The following TMEM154 variants were observed in gnomAD, a reference collection of about 807,000 sequenced individuals.
The protein encoded by TMEM154 is transmembrane protein 154.
In TMEM154, 27 loss-of-function variants were observed where a neutral mutation model predicts 24.5. The ratio of observed to expected loss-of-function variants is 1.10; its 90% CI spans 0.81 to 1.52. TMEM154 has a LOEUF of 1.52. Ranked by LOEUF, TMEM154 falls within the 40% of genes most tolerant of loss-of-function variation. The probability of loss-of-function intolerance (pLI) is 0.00; values close to 1 mark genes in which losing one functional copy is unlikely to be tolerated. For missense variants in TMEM154, 228 were observed against 213.4 expected (o/e 1.07, Z -0.43); for synonymous variants, 67 against 76.8 (o/e 0.87, Z 0.67).
intron 1 of TMEM154, among the ~76,000 whole-genome samples, chr4:152,667,803 C>T (rs1037295339): frequency 6.6e-6 from 1 of 152,242 alleles, no homozygotes; most frequent in Non-Finnish European, 1.5e-5. Flanking sequence ...ATCGAAAGAA[C>T]ATAAAGAAAG....
chr4:152,676,676 G>A lies in TMEM154; in HGVS notation c.64+3194C>T, dbSNP rs1312427379. Among the ~76,000 whole-genome samples the A allele has an allele frequency of 1.3e-5, 2 of 152,174 alleles. 1 individual carries two copies. Among genetic ancestry groups the A allele is most frequent in the Admixed American group, 1.3e-4 (2 of 15,286 alleles). On this transcript the variant is annotated intron_variant, in intron 1 of 6. Transcript: ENST00000304385. Reference sequence around the variant, plus strand: ...GGGACTGTCCCAGGAAACAGCAGATGTCAGCCGTGTTCATTAAAATAAGAT... The same window carrying A: ...GGGACTGTCCCAGGAAACAGCAGATATCAGCCGTGTTCATTAAAATAAGAT...
chr4:152,630,309 CAAAAAA>C (rs56827457), intron 6 of TMEM154, among the ~76,000 whole-genome samples: 6 of 91,344 alleles, frequency 6.6e-5, no homozygotes, highest in Admixed American at 1.3e-4. Context: ...CACCCTGTCT[CAAAAAA>C]AAAAAAAAAA....
At chr4:152,647,082 T>TCCAA in intron 3 of TMEM154, 1 of 1,029,466 alleles carries the variant, frequency 9.7e-7, no homozygotes, top group Non-Finnish European at 1.5e-6. Flanking sequence ...GAAAAAGTAA[T>TCCAA]TTCCAATCAG....
At chr4:152,677,310 A>C (rs1233209589) in intron 1 of TMEM154, among the ~76,000 whole-genome samples, 2 of 152,236 alleles carry the variant, frequency 1.3e-5, no homozygotes, top group African/African-American at 4.8e-5. Context: ...ATGCAACTGC[A>C]GATATTATCT....
chr4:152,659,994 G>T (rs1041962837), intron 1 of TMEM154, among the ~76,000 whole-genome samples: 1 of 142,582 alleles, frequency 7.0e-6, no homozygotes, highest in East Asian at 1.9e-4. Context: ...TTGACCATGG[G>T]TAACTGAAAC....
chr4:152,647,066 C>G, intron 3 of TMEM154: 1 of 912,072 alleles, frequency 1.1e-6, no homozygotes, highest in Non-Finnish European at 1.7e-6. Context: ...ATGGACAAGC[C>G]CAAAGGAAAA....
chr4:152,636,514 T>C (rs1752151817), intron 6 of TMEM154, among the ~76,000 whole-genome samples: 1 of 152,272 alleles, frequency 6.6e-6, no homozygotes. Context: ...CTCTGGTCCT[T>C]ATTAAAATCC....
rs763097024 is a variant in TMEM154, at chr4:152,628,572, AAAAAAAAAAAAAAAAAAAAAC to A, written c.537-32_537-12del. On this transcript the variant is annotated splice_polypyrimidine_tract_variant and intron_variant, in intron 6 of 6. Transcript: ENST00000304385. Reference sequence around the variant, plus strand: ...TAGGATTCACTGTCACTGTAAAAAAAAAAAAAAAAAAAAAAAAAAACAAAAAAAACACACACACACACACAA... The same window carrying A: ...TAGGATTCACTGTCACTGTAAAAAAAAAAAAAAACACACACACACACACAA... The A allele has an allele frequency of 8.2e-5, 99 of 1,207,372 alleles. No homozygotes were observed. The highest frequency in any genetic ancestry group is 1.3e-4 in the Admixed American group (4 of 31,110). The allele number at this position is 1,207,372 out of a possible 1,614,324, so 74.8% of individuals were successfully genotyped here. A position where few individuals can be genotyped will look rare whatever the true frequency, so the allele number is the denominator to read the frequency against.
chr4:152,668,677 G>C (rs989435156), intron 1 of TMEM154: 1 of 152,314 alleles, frequency 6.6e-6, no homozygotes, highest in Non-Finnish European at 1.5e-5. Flanking sequence ...GTTAAAGATA[G>C]GAAACCAGGG....
chr4:152,661,292 C>CTT (rs1295507549), intron 1 of TMEM154, among the ~76,000 whole-genome samples: 69 of 57,728 alleles, frequency 1.2e-3, no homozygotes, highest in African/African-American at 4.7e-3. Context: ...CTTTCTCTCT[C>CTT]TCTCTCTCTC....
Position 152,624,657 on chromosome 4 carries a change from G to A in TMEM154, c.*3889C>T, listed in dbSNP as rs1271667819. The A allele has an allele frequency of 6.6e-6, 1 of 151,724 alleles. No homozygotes were observed. Among genetic ancestry groups the A allele is most frequent in the African/African-American group, 2.4e-5 (1 of 41,342 alleles). The allele number at this position is 151,724 out of a possible 1,614,324, so 9.4% of individuals were successfully genotyped here. A position where few individuals can be genotyped will look rare whatever the true frequency, so the allele number is the denominator to read the frequency against. On this transcript the variant is annotated 3_prime_UTR_variant, in exon 7 of 7. Coordinates refer to ENST00000304385, the MANE Select transcript of TMEM154 (RefSeq NM_152680.3). ...AACTATCCCCAAGAGGACTAAGAAG[G>A]AAATAAAACTTTGGTGCCAGACAAG...
chr4:152,635,076 A>T (rs1752122551), intron 6 of TMEM154, among the ~76,000 whole-genome samples: 1 of 152,214 alleles, frequency 6.6e-6, no homozygotes, highest in African/African-American at 2.4e-5. Context: ...GCCTCTGCAC[A>T]AAGAAAAAAA....
At chr4:152,656,510 A>C (rs536458553) in intron 1 of TMEM154, among the ~76,000 whole-genome samples, 1 of 152,234 alleles carries the variant, frequency 6.6e-6, no homozygotes, top group Non-Finnish European at 1.5e-5. Flanking sequence ...CAGCAGAATA[A>C]ATCATATGGA....
At chr4:152,675,135 C>T (rs529439656) in intron 1 of TMEM154, among the ~76,000 whole-genome samples, 1 of 116,520 alleles carries the variant, frequency 8.6e-6, no homozygotes, top group Non-Finnish European at 1.6e-5. Context: ...CCAGCCTGGG[C>T]AGCAGAGCGA....
At chr4:152,640,893 A>T in intron 6 of TMEM154, 35 bp downstream of exon 6, 1 of 694,336 alleles carries the variant, frequency 1.4e-6, no homozygotes, top group Non-Finnish European at 2.5e-6. Flanking sequence ...GCCCCCCGCC[A>T]TATACATGTA....
At chr4:152,646,762 G>A (rs1728249757) in intron 3 of TMEM154, 2 of 579,392 alleles carry the variant, frequency 3.5e-6, no homozygotes, top group Non-Finnish European at 6.1e-6. Flanking sequence ...GGGTTGTCTG[G>A]TGGAGGCTAG....
chr4:152,628,151 A>G lies in TMEM154; in HGVS notation c.*395T>C, dbSNP rs1251502225. 1 of 216,266 alleles carries G rather than the reference A, an allele frequency of 4.6e-6. No individual in the cohort carries two copies. The highest frequency in any genetic ancestry group is 9.2e-6 in the Non-Finnish European group (1 of 108,786). 13.4% of individuals were successfully genotyped at this position (216,266 alleles called of 1,614,324 possible). A position where few individuals can be genotyped will look rare whatever the true frequency, so the allele number is the denominator to read the frequency against. ...TTACTGACCCAAAAGGAAACCATCG[A>G]TAAAACAGCTTCCTGATTTAGGCCC... On this transcript the variant is annotated 3_prime_UTR_variant, in exon 7 of 7. Coordinates refer to ENST00000304385, the MANE Select transcript of TMEM154 (RefSeq NM_152680.3).
intron 1 of TMEM154, among the ~76,000 whole-genome samples, chr4:152,675,259 A>G (rs1728929489): frequency 6.6e-6 from 1 of 150,474 alleles, no homozygotes; most frequent in African/African-American, 2.4e-5. Flanking sequence ...AGATAATAAG[A>G]TGTTTAAAAT....
At chr4:152,676,148 A>C (rs1394336030) in intron 1 of TMEM154, among the ~76,000 whole-genome samples, 5 of 152,074 alleles carry the variant, frequency 3.3e-5, no homozygotes, top group Non-Finnish European at 7.3e-5. Context: ...CTCACTCTGC[A>C]CCTCTTTCAG....
Sources: allele counts gnomAD v4.1 joint callset (sites outside exome capture counted in the v4.1 genomes callset), GRCh38; gene constraint gnomAD v4.1.1; transcripts MANE v1.5; gene names NCBI Gene and HGNC (gene_info 2026-07-23, HGNC 2026-07-21).